Variants in CDC25C observed in about 807,000 individuals in gnomAD.
CDC25C encodes cell division cycle 25C, also known as M-phase inducer phosphatase 3.
CDC25C carries 48 observed loss-of-function variants against 52.5 expected under a neutral mutation model. The observed-to-expected ratio is 0.91, with a 90% CI of 0.72 to 1.16. The LOEUF is 1.16. CDC25C is among the 50% of genes most tolerant of loss of function. CDC25C has a pLI of 0.00. For synonymous variants in CDC25C, 187 were observed against 206.5 expected, an observed-to-expected ratio of 0.91 and a Z score of 0.81; for missense variants, 510 against 566.1, an observed-to-expected ratio of 0.90 and a Z score of 1.01.
intron 7 of CDC25C, among the ~76,000 whole-genome samples, chr5:138,293,509 A>G (rs1756913647): frequency 6.6e-6 from 1 of 152,084 alleles, no homozygotes; most frequent in Non-Finnish European, 1.5e-5. Context: ...AGGACTTCAT[A>G]TAACTTCAAT....
At chr5:138,329,979 C>T (rs1472942017) in intron 2 of CDC25C, among the ~76,000 whole-genome samples, 6 of 152,104 alleles carry the variant, frequency 3.9e-5, no homozygotes, top group Non-Finnish European at 7.4e-5. Context: ...GATCCACCCA[C>T]CTCGGCCTTC....
At chr5:138,332,074 T>C (rs1451217940), upstream of CDC25C, 2 of 181,886 alleles carry the variant, frequency 1.1e-5, no homozygotes, top group Non-Finnish European at 2.1e-5. Context: ...TGGCGCATCA[T>C]TGGCTCTCCC....
At chr5:138,338,303 C>A in exon 1 of CDC25C, 2 of 607,446 alleles carry the variant, frequency 3.3e-6, no homozygotes, top group Non-Finnish European at 5.4e-6. Flanking sequence ...GCTGGAGGAA[C>A]CGCGGTAGGT....
chr5:138,325,288 C>T (rs1281199613), intron 6 of CDC25C, among the ~76,000 whole-genome samples: 1 of 152,052 alleles, frequency 6.6e-6, no homozygotes, highest in Non-Finnish European at 1.5e-5. Flanking sequence ...GGATTAGATA[C>T]AGAACTATCT....
At chr5:138,290,806 G>A in intron 8 of CDC25C, 66 bp from the exon 9 acceptor site, 1 of 974,298 alleles carries the variant, frequency 1.0e-6, no homozygotes. Context: ...ACCAGTGGAT[G>A]GAGTGGGCCA....
intron 7 of CDC25C, 88 bp from the exon 8 acceptor site, chr5:138,292,204 G>T: frequency 9.4e-7 from 1 of 1,065,990 alleles, no homozygotes; most frequent in Non-Finnish European, 1.3e-6. Flanking sequence ...GAGCTTCTTT[G>T]AAATGCAGGT....
At position 138,319,291 on chromosome 5, in the gene CDC25C, G is replaced by A. The variant is rs111911741; in HGVS notation, c.543C>T (p.Asn181=). The stretch of plus-strand genomic sequence containing the variant: ...TCTCTTCTGCCTGGTCTTCTCCTAG[G>A]TTTGGATTTTTATCCAATTTTGGAA... The part of the protein sequence containing the change: ...TTVPKLDKNP[N]LGEDQAEEIS... The change falls in exon 7 of 14, where the codon AAC becomes AAT. Residue 181 remains asparagine, a synonymous_variant. Transcript: ENST00000323760. 2.4e-3 allele frequency: 3,824 copies of A among 1,612,806 alleles called. 6 individuals are homozygous for A. The highest frequency in any genetic ancestry group is 2.8e-3 in the Non-Finnish European group (3,350 of 1,178,942).
At chr5:138,313,401 A>AAG (rs1284351570) in intron 7 of CDC25C, among the ~76,000 whole-genome samples, 17 of 149,976 alleles carry the variant, frequency 1.1e-4, no homozygotes, top group East Asian at 1.9e-4. Flanking sequence ...AAAAAAAAAA[A>AAG]AGAGAGAATT....
At chr5:138,329,932 T>C (rs1760219662) in intron 2 of CDC25C, among the ~76,000 whole-genome samples, 1 of 152,096 alleles carries the variant, frequency 6.6e-6, no homozygotes, top group Admixed American at 6.6e-5. Flanking sequence ...GGCTTCACCA[T>C]GTCAGCCAGG....
At position 138,288,996 on chromosome 5, in the gene CDC25C, G is replaced by T. The variant is rs551355633; in HGVS notation, c.927+505C>A. Among the ~76,000 whole-genome samples the T allele has an allele frequency of 3.3e-5, 5 of 151,718 alleles. No individual in the cohort carries two copies. The South Asian group carries it at 8.4e-4, about 25-fold the overall frequency. On this transcript the variant is annotated intron_variant, in intron 10 of 13. Transcript: ENST00000323760. ...AATTATTATTTTTTGAGACAGTCTC[G>T]CTGTGTCGCCCAGGCTGGAGTACAG...
At chr5:138,294,013 G>A (rs1333568307) in intron 7 of CDC25C, among the ~76,000 whole-genome samples, 1 of 142,886 alleles carries the variant, frequency 7.0e-6, no homozygotes, top group Non-Finnish European at 1.5e-5. Context: ...AATTGTCTCC[G>A]TTTTCTTTGG....
intron 7 of CDC25C, among the ~76,000 whole-genome samples, chr5:138,311,073 C>T (rs565597800): frequency 2.0e-5 from 3 of 152,114 alleles, no homozygotes; most frequent in Non-Finnish European, 4.4e-5. Flanking sequence ...CAAGACCATT[C>T]AATGAAGAAA....
intron 1 of CDC25C, chr5:138,337,721 G>A (rs1760807764): frequency 3.0e-6 from 1 of 336,266 alleles, no homozygotes; most frequent in Non-Finnish European, 5.8e-6. Context: ...GGGGCTCCTG[G>A]GACTCCGAGC....
At chr5:138,327,867 C>CTTT (rs775143862) in intron 4 of CDC25C, among the ~76,000 whole-genome samples, 1 of 142,516 alleles carries the variant, frequency 7.0e-6, no homozygotes, top group Non-Finnish European at 1.5e-5. Context: ...TCTGTACTTT[C>CTTT]TTTTTTTTTT....
Position 138,329,605 on chromosome 5 carries a change from ACTG to A in CDC25C, c.234_236del (p.Ser79del). On this transcript the variant is annotated inframe_deletion, in exon 3 of 14. Transcript: ENST00000323760. Reference sequence around the variant, plus strand: ...TAAGCTGAGTGGCAGTTATCTCCCCACTGCTAAGATTCGAAAGATCGAGGCAAC... The same window carrying A: ...TAAGCTGAGTGGCAGTTATCTCCCCACTAAGATTCGAAAGATCGAGGCAAC... 1 of 1,613,384 alleles carries A rather than the reference ACTG, an allele frequency of 6.2e-7. No individual in the cohort carries two copies. The highest frequency in any genetic ancestry group is 1.3e-5 in the African/African-American group (1 of 74,884).
At chr5:138,319,472 G>A in intron 6 of CDC25C, 98 bp from the exon 7 acceptor site, 4 of 938,710 alleles carry the variant, frequency 4.3e-6, no homozygotes, top group East Asian at 2.9e-5. Context: ...AAAAGATAAG[G>A]GAAAAAATTC....
In CDC25C at chr5:138,298,915, A is replaced by T. The variant is rs1352762884; in HGVS notation, c.616-6799T>A. 3.9e-5 allele frequency among the ~76,000 whole-genome samples: 6 copies of T among 151,916 alleles called. No individual in the cohort carries two copies. The East Asian group carries it at 1.2e-3, about 29-fold the overall frequency. On this transcript the variant is annotated intron_variant, in intron 7 of 13. Transcript: ENST00000323760. The stretch of plus-strand genomic sequence containing the variant: ...CAAATTTATGAAAATTAAATAGGCC[A>T]GGTGTGGTGGCTCACACCTGTAATC...
At chr5:138,332,811 C>T (rs192998042), upstream of CDC25C, among the ~76,000 whole-genome samples, 1 of 152,274 alleles carries the variant, frequency 6.6e-6, no homozygotes, top group Non-Finnish European at 1.5e-5. Context: ...GGTTGCGCCA[C>T]TGCACTCCAG....
At chr5:138,307,503 AAAAAAAAAG>A (rs1325602536) in intron 7 of CDC25C, among the ~76,000 whole-genome samples, 2 of 151,480 alleles carry the variant, frequency 1.3e-5, no homozygotes, top group Non-Finnish European at 2.9e-5. Flanking sequence ...AAAAAAAAAA[AAAAAAAAAG>A]AAAAAGAGAA....
Sources: gnomAD v4.1 joint callset for allele counts (sites outside exome capture counted in the v4.1 genomes callset) on GRCh38, gnomAD v4.1.1 for gene constraint, MANE v1.5 for transcripts, NCBI Gene and HGNC (gene_info 2026-07-23, HGNC 2026-07-21) for gene names.